The following ACBD6 variants were observed in gnomAD, a reference collection of about 807,000 sequenced individuals.
ACBD6 encodes the protein acyl-CoA-binding domain-containing protein 6.
In ACBD6, 28 loss-of-function variants were observed where a neutral mutation model predicts 37.2. That is an observed-to-expected ratio of 0.75 (90% CI 0.56 to 1.03). ACBD6 has a LOEUF of 1.03. ACBD6 is among the 50% of genes least tolerant of loss of function. The pLI is 0.00. For missense variants in ACBD6, 340 were observed against 337.4 expected (o/e 1.01, Z -0.06); for synonymous variants, 113 against 126.8 (o/e 0.89, Z 0.73).
intron 3 of ACBD6, among the ~76,000 whole-genome samples, chr1:180,471,482 C>T (rs1433763505): frequency 6.2e-4 from 8 of 12,898 alleles, no homozygotes; most frequent in Non-Finnish European, 1.0e-3. Flanking sequence ...TAAAAACATA[C>T]CTGACTGGGG....
intron 5 of ACBD6, among the ~76,000 whole-genome samples, chr1:180,405,067 T>C (rs1201675139): frequency 1.3e-5 from 2 of 152,220 alleles, no homozygotes; most frequent in Admixed American, 1.3e-4. Context: ...TAATCAACTA[T>C]ATAACCAAAA....
At chr1:180,430,487 A>G (rs1319572636) in intron 3 of ACBD6, among the ~76,000 whole-genome samples, 1 of 152,178 alleles carries the variant, frequency 6.6e-6, no homozygotes, top group Non-Finnish European at 1.5e-5. Context: ...AAGGTATTCC[A>G]GTACAGCCTT....
chr1:180,413,543 G>T, intron 4 of ACBD6, 72 bp from the exon 5 acceptor site: 1 of 1,189,524 alleles, frequency 8.4e-7, no homozygotes, highest in Non-Finnish European at 1.2e-6. Context: ...AACACAATCT[G>T]TTTGCTGCTG....
intron 6 of ACBD6, among the ~76,000 whole-genome samples, chr1:180,319,699 T>G (rs1283231308): frequency 6.6e-6 from 1 of 152,096 alleles, no homozygotes; most frequent in Non-Finnish European, 1.5e-5. Context: ...CTACTCTCTA[T>G]CTCCATGAGT....
intron 5 of ACBD6, among the ~76,000 whole-genome samples, chr1:180,406,913 A>G (rs1385095887): frequency 6.6e-6 from 1 of 152,228 alleles, no homozygotes; most frequent in African/African-American, 2.4e-5. Flanking sequence ...GAAAACGTCA[A>G]AAGGACAGAA....
chr1:180,273,858 C>T (rs1648840753), intron 11 of ACBD6: 1 of 359,822 alleles, frequency 2.8e-6, no homozygotes, highest in Non-Finnish European at 5.2e-6. Context: ...GACATCTGAC[C>T]CACCCAGCCT....
At chr1:180,286,388 G>C (rs567625338), downstream of ACBD6, among the ~76,000 whole-genome samples, 1 of 152,224 alleles carries the variant, frequency 6.6e-6, no homozygotes, top group East Asian at 1.9e-4. Flanking sequence ...AACTGCTAAA[G>C]AGATGAAAAA....
chr1:180,502,117 G>A lies in ACBD6; in HGVS notation c.150C>T (p.Ala50=). 1 of 1,613,890 alleles carries A rather than the reference G, an allele frequency of 6.2e-7. No individual in the cohort carries two copies. Among genetic ancestry groups the A allele is most frequent in the Non-Finnish European group, 8.5e-7 (1 of 1,179,910 alleles). The part of the protein sequence containing the change: ...SCLAELFEKA[A]AHLQGLIQVA... ...CCTGAATCAGGCCTTGCAGGTGCGC[G>A]GCAGCCTTCTCAAACAGCTCGGCCA... The change falls in exon 1 of 8, where the codon GCC becomes GCT. Residue 50 remains alanine (A), a synonymous_variant. Coordinates refer to ENST00000367595, the MANE Select transcript of ACBD6 (RefSeq NM_032360.4).
intron 3 of ACBD6, among the ~76,000 whole-genome samples, chr1:180,467,301 T>C (rs1292036176): frequency 1.3e-5 from 2 of 151,696 alleles, no homozygotes; most frequent in Middle Eastern, 3.4e-3. Context: ...AAAAATTTAA[T>C]CTTATAGAAG....
At chr1:180,350,023 CTTTTTTT>C (rs371542775) in intron 6 of ACBD6, among the ~76,000 whole-genome samples, 2 of 65,552 alleles carry the variant, frequency 3.1e-5, no homozygotes, top group Admixed American at 3.0e-4. Flanking sequence ...TCCAGTGACC[CTTTTTTT>C]TTTTTTTTTT....
At chr1:180,344,780 G>C (rs939445180) in intron 6 of ACBD6, among the ~76,000 whole-genome samples, 2 of 152,062 alleles carry the variant, frequency 1.3e-5, no homozygotes, top group African/African-American at 4.8e-5. Context: ...AACACAATCC[G>C]TATTTTCTCA....
At chr1:180,425,391 T>C (rs1001037848) in intron 4 of ACBD6, among the ~76,000 whole-genome samples, 7 of 152,206 alleles carry the variant, frequency 4.6e-5, no homozygotes, top group African/African-American at 7.2e-5. Flanking sequence ...AAGACATATG[T>C]CATCCAATTT....
chr1:180,438,364 T>C (rs1649140964), intron 3 of ACBD6: 1 of 152,788 alleles, frequency 6.5e-6, no homozygotes, highest in South Asian at 2.1e-4. Context: ...GTGTCTTAAA[T>C]AGAATAGGCA....
intron 2 of ACBD6, 63 bp from the exon 3 acceptor site, chr1:180,492,428 T>C (rs1651541978): frequency 1.3e-5 from 17 of 1,304,242 alleles, no homozygotes; most frequent in Non-Finnish European, 1.9e-5. Flanking sequence ...GCATTTTTCT[T>C]ATTATTAAAA....
chr1:180,415,386 G>A (rs1421020451), intron 4 of ACBD6, among the ~76,000 whole-genome samples: 1 of 151,276 alleles, frequency 6.6e-6, no homozygotes, highest in Middle Eastern at 3.4e-3. Flanking sequence ...GACAGAGCAA[G>A]ACTAAGTCTC....
rs534639504 is a variant in ACBD6 at position 180,459,490 on chromosome 1, A to G, written c.385-29228T>C. The stretch of plus-strand genomic sequence containing the variant: ...ATCCTGATGAAGATAGGCAAATGAT[A>G]AAACTGGGCCTTTGTGACAATTATA... On this transcript the variant is annotated intron_variant, in intron 3 of 7. Transcript: ENST00000367595. Among the ~76,000 whole-genome samples the G allele has an allele frequency of 2.0e-5, 3 of 152,354 alleles. No homozygotes were observed. In the East Asian group the frequency reaches 5.8e-4, roughly 29 times the overall value.
chr1:180,460,891 G>A (rs936340402), intron 3 of ACBD6, among the ~76,000 whole-genome samples: 4 of 152,190 alleles, frequency 2.6e-5, no homozygotes, highest in African/African-American at 4.8e-5. Flanking sequence ...GACTGTGGCT[G>A]AGGCTGACAT....
At chr1:180,369,928 A>G (rs115009946) in intron 6 of ACBD6, among the ~76,000 whole-genome samples, 3,004 of 152,340 alleles carry the variant, frequency 0.02, 101 homozygotes, top group African/African-American at 0.067. Context: ...GTCACGAAGC[A>G]TTCAAATAAA....
At chr1:180,497,854 G>C (rs1651798138) in intron 1 of ACBD6, among the ~76,000 whole-genome samples, 1 of 152,202 alleles carries the variant, frequency 6.6e-6, no homozygotes, top group Non-Finnish European at 1.5e-5. Context: ...TAGAAAGAGA[G>C]AGAAGTATTT....
Sources: allele counts gnomAD v4.1 joint callset (sites outside exome capture counted in the v4.1 genomes callset), GRCh38; gene constraint gnomAD v4.1.1; transcripts MANE v1.5; gene names NCBI Gene and HGNC (gene_info 2026-07-23, HGNC 2026-07-21).